SUMF1: variants seen among roughly 807,000 people sequenced by gnomAD.
SUMF1 encodes the protein sulfatase modifying factor 1.
A neutral mutation model predicts 47.6 loss-of-function variants in SUMF1; 48 were observed. That is an observed-to-expected ratio of 1.01 (90% CI 0.80 to 1.28). The LOEUF is 1.28. Ranked by LOEUF, SUMF1 falls within the 50% of genes most tolerant of loss-of-function variation. The pLI is 0.00. For synonymous variants in SUMF1, 230 were observed against 192.1 expected, an observed-to-expected ratio of 1.20 and a Z score of -1.63; for missense variants, 571 against 485.4, an observed-to-expected ratio of 1.18 and a Z score of -1.66.
At chr3:4,213,989 T>C (rs956327141) in intron 8 of SUMF1, among the ~76,000 whole-genome samples, 1 of 152,120 alleles carries the variant, frequency 6.6e-6, no homozygotes, top group East Asian at 1.9e-4. Context: ...CTGTCAATAT[T>C]AGACAGATCG....
At chr3:4,053,274 C>T (rs956518322) in intron 9 of SUMF1, among the ~76,000 whole-genome samples, 3 of 152,044 alleles carry the variant, frequency 2.0e-5, no homozygotes, top group Non-Finnish European at 2.9e-5. Flanking sequence ...TTAAGTTTGC[C>T]GTCTTTTATG....
At chr3:4,268,840 GA>G (rs988250787) in intron 8 of SUMF1, among the ~76,000 whole-genome samples, 1 of 151,512 alleles carries the variant, frequency 6.6e-6, no homozygotes, top group East Asian at 1.9e-4. Flanking sequence ...TCACAGGACA[GA>G]AAAAAAATAC....
intron 7 of SUMF1, among the ~76,000 whole-genome samples, chr3:4,381,170 G>A (rs1559260604): frequency 6.6e-6 from 1 of 152,172 alleles, no homozygotes; most frequent in Non-Finnish European, 1.5e-5. Context: ...TCAGCAAACA[G>A]TCAAAAGGCA....
intron 8 of SUMF1, among the ~76,000 whole-genome samples, chr3:4,293,673 T>C (rs1278409113): frequency 6.6e-6 from 1 of 152,186 alleles, no homozygotes; most frequent in Non-Finnish European, 1.5e-5. Context: ...TAGACTGTTC[T>C]AAGTAGTCAG....
intron 8 of SUMF1, among the ~76,000 whole-genome samples, chr3:4,137,519 G>A (rs570980191): frequency 7.9e-5 from 12 of 152,210 alleles, no homozygotes; most frequent in African/African-American, 2.7e-4. Flanking sequence ...TATACCCAAT[G>A]TAAACGATGA....
At chr3:4,072,038 G>A (rs1695539395) in intron 8 of SUMF1, among the ~76,000 whole-genome samples, 1 of 152,146 alleles carries the variant, frequency 6.6e-6, no homozygotes, top group Non-Finnish European at 1.5e-5. Context: ...CCTCATACAA[G>A]AGAGCACTGC....
chr3:4,335,236 T>TC (rs1467945030), intron 8 of SUMF1, among the ~76,000 whole-genome samples: 1 of 152,136 alleles, frequency 6.6e-6, no homozygotes, highest in African/African-American at 2.4e-5. Context: ...TTTAAACTCT[T>TC]CAATGACTTC....
intron 7 of SUMF1, among the ~76,000 whole-genome samples, chr3:4,393,064 C>T (rs1364148570): frequency 6.6e-6 from 1 of 152,120 alleles, no homozygotes; most frequent in African/African-American, 2.4e-5. Flanking sequence ...TTTAGTTTCC[C>T]AGAAAGCCTA....
In SUMF1 at chr3:4,093,710, G is replaced by C. The variant is rs115502946; in HGVS notation, c.1015-24965C>G. 9.3e-3 allele frequency among the ~76,000 whole-genome samples: 1,417 copies of C among 152,208 alleles called. 28 individuals are homozygous for C. The highest frequency in any genetic ancestry group is 0.032 in the African/African-American group (1,332 of 41,510). On this transcript the variant is annotated intron_variant and NMD_transcript_variant, in intron 8 of 12. Coordinates refer to the SUMF1 transcript ENST00000448413. ...AAGGCTGGACAATTAGGAAAAAACAGATTTGAATTTGTTTCTTCAGGCAAA... is the reference window on the plus strand; with the variant it reads ...AAGGCTGGACAATTAGGAAAAAACACATTTGAATTTGTTTCTTCAGGCAAA...
In SUMF1 at chr3:4,410,852, G is replaced by C; in HGVS notation, c.954+13C>G. 6.2e-7 allele frequency: 1 copy of C among 1,611,516 alleles called. No individual in the cohort carries two copies. The highest frequency in any genetic ancestry group is 2.2e-5 in the East Asian group (1 of 44,860). On this transcript the variant is annotated intron_variant, in intron 7 of 8. Coordinates refer to ENST00000272902, the MANE Select transcript of SUMF1 (RefSeq NM_182760.4). Reference sequence around the variant, plus strand: ...CACCATTCCAAGACACATGCTCTGTGAATAATACTCACTGGGTTAAGCGTT... The same window carrying C: ...CACCATTCCAAGACACATGCTCTGTCAATAATACTCACTGGGTTAAGCGTT...
chr3:4,178,305 A>C (rs1475400039), intron 8 of SUMF1, among the ~76,000 whole-genome samples: 2 of 152,204 alleles, frequency 1.3e-5, no homozygotes, highest in Non-Finnish European at 2.9e-5. Context: ...AAATACTGGC[A>C]AACCGAATCC....
intron 8 of SUMF1, among the ~76,000 whole-genome samples, chr3:4,120,951 C>T (rs1054470809): frequency 6.6e-6 from 1 of 152,138 alleles, no homozygotes; most frequent in African/African-American, 2.4e-5. Context: ...ATTTCACATA[C>T]CTAACCTAGT....
chr3:4,164,779 A>T (rs1694660545), intron 8 of SUMF1, among the ~76,000 whole-genome samples: 1 of 152,006 alleles, frequency 6.6e-6, no homozygotes, highest in Non-Finnish European at 1.5e-5. Context: ...TTGCTTTTGG[A>T]ACTTTCTCCT....
chr3:4,456,514 C>T (rs1366810657), intron 1 of SUMF1, among the ~76,000 whole-genome samples: 15 of 147,344 alleles, frequency 1.0e-4, no homozygotes, highest in Non-Finnish European at 1.8e-4. Flanking sequence ...TGCAGTAGCA[C>T]GATCTCGGCT....
intron 8 of SUMF1, among the ~76,000 whole-genome samples, chr3:4,226,716 G>C (rs954334673): frequency 3.3e-5 from 5 of 152,038 alleles, no homozygotes; most frequent in African/African-American, 1.2e-4. Flanking sequence ...TCTATAAGCA[G>C]AGGAGCTTCA....
chr3:4,399,855 TC>T (rs112372903), intron 7 of SUMF1, among the ~76,000 whole-genome samples: 7 of 152,276 alleles, frequency 4.6e-5, no homozygotes, highest in South Asian at 4.1e-4. Flanking sequence ...CCTCCTAGGT[TC>T]AAGTGATTCT....
chr3:4,254,326 G>A (rs1465798823), intron 8 of SUMF1, among the ~76,000 whole-genome samples: 1 of 151,214 alleles, frequency 6.6e-6, no homozygotes, highest in Non-Finnish European at 1.5e-5. Flanking sequence ...AGCTATGGGA[G>A]GACATTCAAA....
intron 8 of SUMF1, among the ~76,000 whole-genome samples, chr3:4,267,902 C>A (rs62259766): frequency 6.7e-6 from 1 of 149,864 alleles, no homozygotes; most frequent in Admixed American, 6.7e-5. Flanking sequence ...ACCCAAAGGA[C>A]TATAAATCAT....
chr3:4,234,199 C>T (rs1347146863), intron 8 of SUMF1, among the ~76,000 whole-genome samples: 1 of 151,956 alleles, frequency 6.6e-6, no homozygotes, highest in Non-Finnish European at 1.5e-5. Flanking sequence ...TTCTGACCCT[C>T]TGTTTCCTCA....
Sources: allele counts gnomAD v4.1 joint callset (sites outside exome capture counted in the v4.1 genomes callset), GRCh38; gene constraint gnomAD v4.1.1; transcripts MANE v1.5; gene names NCBI Gene and HGNC (gene_info 2026-07-23, HGNC 2026-07-21).